KCNH5: variants seen among roughly 807,000 people sequenced by gnomAD.
KCNH5 encodes voltage-gated delayed rectifier potassium channel KCNH5.
KCNH5 carries 46 observed loss-of-function variants against 96.1 expected under a neutral mutation model. That is an observed-to-expected ratio of 0.48 (90% CI 0.38 to 0.61). The LOEUF (loss-of-function observed/expected upper bound fraction) is 0.61. Ranked by LOEUF, KCNH5 falls within the 20% of genes least tolerant of loss-of-function variation. KCNH5 has a pLI of 0.00. For missense variants in KCNH5, 907 were observed against 1,225.8 expected (o/e 0.74, Z 3.88); for synonymous variants, 439 against 449.8 (o/e 0.98, Z 0.30).
At chr14:62,835,845 C>T (rs965610577) in intron 8 of KCNH5, among the ~76,000 whole-genome samples, 3 of 151,824 alleles carry the variant, frequency 2.0e-5, no homozygotes, top group Admixed American at 1.3e-4. Context: ...ACTTTTGCTA[C>T]GTTTCAATTT....
At chr14:62,942,149 C>T (rs1336784283) in intron 7 of KCNH5, among the ~76,000 whole-genome samples, 2 of 152,164 alleles carry the variant, frequency 1.3e-5, no homozygotes, top group East Asian at 3.9e-4. Flanking sequence ...TGTGACACCA[C>T]TTTCTTTCCA....
intron 10 of KCNH5, chr14:62,712,789 G>A (rs1884600359): frequency 2.7e-6 from 2 of 734,206 alleles, no homozygotes; most frequent in Non-Finnish European, 5.1e-6. Context: ...CCTTGAAAGA[G>A]CTTTGTGCGA....
intron 8 of KCNH5, among the ~76,000 whole-genome samples, chr14:62,804,196 GT>G (rs1408862430): frequency 6.6e-6 from 1 of 151,846 alleles, no homozygotes; most frequent in Non-Finnish European, 1.5e-5. Context: ...TCATCTCTGG[GT>G]TTTTTTCATA....
rs1437342647 is a variant in KCNH5 at position 62,708,370 on chromosome 14, A to C, written c.2105T>G (p.Val702Gly). ...QKNEVTLSIPVDHPVRKLFQK... is the reference protein window; with the variant it reads ...QKNEVTLSIPGDHPVRKLFQK... ...GAAGAGCTTTCTGACTGGGTGGTCC[A>C]CGGGAATGCTGAGGGTCACCTCATT... is the stretch of plus-strand genomic sequence containing the variant. The change falls in exon 11 of 11, where the codon GTG becomes GGG. Residue 702 changes from valine to glycine, a missense_variant. Physicochemically the swap from Val to Gly is moderately radical, Grantham distance 109. Around this residue, in one of 6 missense-constraint regions of KCNH5, gnomAD observed 362 missense variants for 394.4 expected, o/e 0.92. Coordinates refer to ENST00000322893, the MANE Select transcript of KCNH5 (RefSeq NM_139318.5). The C allele has an allele frequency of 1.9e-6, 3 of 1,613,910 alleles. No homozygotes were observed. Among genetic ancestry groups the C allele is most frequent in the Non-Finnish European group, 2.5e-6 (3 of 1,180,028 alleles).
chr14:62,771,461 T>C (rs1241026233), intron 10 of KCNH5, among the ~76,000 whole-genome samples: 3 of 151,950 alleles, frequency 2.0e-5, no homozygotes, highest in Non-Finnish European at 4.4e-5. Context: ...CCCGTCTCTA[T>C]TACAAAACAA....
intron 7 of KCNH5, among the ~76,000 whole-genome samples, chr14:62,944,725 C>A (rs1595694619): frequency 6.6e-6 from 1 of 152,100 alleles, no homozygotes. Flanking sequence ...ATCTAGACAG[C>A]TTTTTATAAT....
chr14:62,803,056 T>G (rs1249886522), intron 8 of KCNH5, among the ~76,000 whole-genome samples: 1 of 152,078 alleles, frequency 6.6e-6, no homozygotes, highest in Non-Finnish European at 1.5e-5. Context: ...GAGGCTGAAG[T>G]GGGAGAATCA....
chr14:62,747,507 G>C (rs773649041), intron 10 of KCNH5, among the ~76,000 whole-genome samples: 8 of 152,188 alleles, frequency 5.3e-5, no homozygotes, highest in African/African-American at 1.4e-4. Context: ...ACAAAGGCAT[G>C]GTTATAAGGA....
At chr14:62,735,045 T>A (rs1378203310) in intron 10 of KCNH5, among the ~76,000 whole-genome samples, 2 of 152,138 alleles carry the variant, frequency 1.3e-5, no homozygotes, top group Non-Finnish European at 2.9e-5. Flanking sequence ...CAAGCCTAGA[T>A]ATATATGCCT....
intron 9 of KCNH5, 35 bp from the exon 10 acceptor site, chr14:62,779,959 T>C: frequency 6.5e-7 from 1 of 1,531,486 alleles, no homozygotes; most frequent in Non-Finnish European, 8.9e-7. Flanking sequence ...TTCAAGTATC[T>C]AACACTGTTC....
intron 6 of KCNH5, among the ~76,000 whole-genome samples, chr14:62,963,419 G>T (rs1282770435): frequency 6.6e-6 from 1 of 151,932 alleles, no homozygotes; most frequent in East Asian, 1.9e-4. Flanking sequence ...TGAGGAATGG[G>T]CTCAAATGAT....
chr14:63,035,946 A>T (rs1457007881), intron 1 of KCNH5, among the ~76,000 whole-genome samples: 1 of 152,206 alleles, frequency 6.6e-6, no homozygotes, highest in Non-Finnish European at 1.5e-5. Flanking sequence ...TAAGGGCTAG[A>T]CAGGAGTCTG....
At position 62,811,788 on chromosome 14, in the gene KCNH5, C is replaced by T. The variant is rs1305750219; in HGVS notation, c.1570-9207G>A. ...AGCAGAATTATGCTGACAGAAGCTT[C>T]GCTGGAAAGGCAGACTCCCAGGCAG... is the stretch of plus-strand genomic sequence containing the variant. On this transcript the variant is annotated intron_variant, in intron 8 of 10. Transcript: ENST00000322893. Among the ~76,000 whole-genome samples the T allele has an allele frequency of 4.6e-5, 7 of 151,978 alleles. No individual in the cohort carries two copies. The South Asian group carries it at 1.5e-3, about 32-fold the overall frequency.
At chr14:62,912,037 C>CA (rs1163755853) in intron 7 of KCNH5, among the ~76,000 whole-genome samples, 1,089 of 79,618 alleles carry the variant, frequency 0.014, 15 homozygotes, top group Middle Eastern at 0.033. Context: ...GACTCCTAAT[C>CA]AAAAAAAAAA....
At chr14:62,769,177 T>TA in intron 10 of KCNH5, among the ~76,000 whole-genome samples, 1 of 152,366 alleles carries the variant, frequency 6.6e-6, no homozygotes, top group Non-Finnish European at 1.5e-5. Flanking sequence ...TCACTTGTCT[T>TA]ACAGTGTTGA....
At chr14:63,040,975 C>A (rs1891812701) in intron 1 of KCNH5, among the ~76,000 whole-genome samples, 1 of 151,996 alleles carries the variant, frequency 6.6e-6, no homozygotes, top group South Asian at 2.1e-4. Flanking sequence ...AAAAACACTT[C>A]TAGTTTTCCA....
At chr14:62,954,117 A>G (rs1890056053) in intron 6 of KCNH5, among the ~76,000 whole-genome samples, 1 of 152,138 alleles carries the variant, frequency 6.6e-6, no homozygotes, top group Admixed American at 6.6e-5. Context: ...ATGCTGTTTC[A>G]TGCTACGTTA....
intron 10 of KCNH5, among the ~76,000 whole-genome samples, chr14:62,729,048 G>A (rs1312940931): frequency 1.3e-5 from 2 of 152,152 alleles, no homozygotes; most frequent in East Asian, 3.9e-4. Flanking sequence ...CCAAAAAACA[G>A]TGAGTTCCAT....
intron 1 of KCNH5, among the ~76,000 whole-genome samples, chr14:63,031,127 G>C (rs1001202233): frequency 6.6e-6 from 1 of 151,934 alleles, no homozygotes; most frequent in Non-Finnish European, 1.5e-5. Flanking sequence ...GTATCTAGTA[G>C]GGGGAAAAGA....
Sources: allele counts gnomAD v4.1 joint callset (sites outside exome capture counted in the v4.1 genomes callset), GRCh38; gene constraint gnomAD v4.1.1; regional missense constraint gnomAD v4.1.1; transcripts MANE v1.5; gene names NCBI Gene and HGNC (gene_info 2026-07-23, HGNC 2026-07-21).